Variants in KCNS3 observed in about 807,000 individuals in gnomAD.
KCNS3 encodes delayed-rectifier potassium channel regulatory subunit KCNS3.
A neutral mutation model predicts 31.0 loss-of-function variants in KCNS3; 13 were observed. That is an observed-to-expected ratio of 0.42 (90% CI 0.27 to 0.67). The LOEUF (loss-of-function observed/expected upper bound fraction) is 0.67. Among genes scored for constraint, KCNS3 ranks in the 30% least tolerant of loss-of-function variants. KCNS3 has a pLI of 0.25. For synonymous variants in KCNS3, 238 were observed against 241.5 expected (o/e 0.99, Z 0.13); for missense variants, 545 against 622.4 (o/e 0.88, Z 1.32).
At chr2:17,882,630 G>A (rs1674667851) in intron 1 of KCNS3, among the ~76,000 whole-genome samples, 1 of 152,172 alleles carries the variant, frequency 6.6e-6, no homozygotes, top group Non-Finnish European at 1.5e-5. Context: ...AGGGGATGGG[G>A]AGTAAGTACA....
At chr2:17,905,645 A>G (rs987248152) in intron 1 of KCNS3, among the ~76,000 whole-genome samples, 7 of 152,112 alleles carry the variant, frequency 4.6e-5, no homozygotes, top group African/African-American at 1.7e-4. Flanking sequence ...ATCAATGCCT[A>G]ATTTATTGAG....
rs1246496260 is a variant in KCNS3 at position 17,929,051 on chromosome 2, C to T, written c.-59-1899C>T. Among the ~76,000 whole-genome samples, 4 of 152,356 alleles carry T rather than the reference C, an allele frequency of 2.6e-5. No homozygotes were observed. The East Asian group carries it at 5.8e-4, about 22-fold the overall frequency. The stretch of plus-strand genomic sequence containing the variant: ...TGCTGTCATTGGCGGCTTTCTAAGT[C>T]ACAGTCACAAACCTAGCTATGTCTA... On this transcript the variant is annotated intron_variant, in intron 2 of 2. Coordinates refer to ENST00000304101, the MANE Select transcript of KCNS3 (RefSeq NM_002252.5).
At chr2:17,897,957 A>G (rs1428042221) in intron 1 of KCNS3, among the ~76,000 whole-genome samples, 1 of 152,192 alleles carries the variant, frequency 6.6e-6, no homozygotes, top group Non-Finnish European at 1.5e-5. Context: ...ACTTTAATCC[A>G]TCTTGAGTTA....
At chr2:17,924,560 A>T (rs1448623569) in intron 2 of KCNS3, among the ~76,000 whole-genome samples, 3 of 152,134 alleles carry the variant, frequency 2.0e-5, no homozygotes, top group Non-Finnish European at 4.4e-5. Flanking sequence ...TTTTGTTTTT[A>T]ATCATGAAAG....
At chr2:17,917,042 T>A (rs78197279) in intron 1 of KCNS3, among the ~76,000 whole-genome samples, 3 of 152,156 alleles carry the variant, frequency 2.0e-5, no homozygotes, top group Non-Finnish European at 4.4e-5. Flanking sequence ...AGAGAGAAAC[T>A]GAAATTTGGC....
At chr2:17,879,540 CT>C (rs34167571) in intron 1 of KCNS3, 6 of 147,612 alleles carry the variant, frequency 4.1e-5, no homozygotes, top group Admixed American at 6.7e-5. Flanking sequence ...AGGAACTCCT[CT>C]TTTTTTTTTC....
intron 1 of KCNS3, among the ~76,000 whole-genome samples, chr2:17,911,000 C>T (rs73918979): frequency 1.2e-3 from 181 of 152,314 alleles, no homozygotes; most frequent in African/African-American, 3.8e-3. Context: ...TCTTTTCTCT[C>T]CTTGGAGAAG....
chr2:17,911,553 T>G (rs866641614), intron 1 of KCNS3, among the ~76,000 whole-genome samples: 1 of 152,182 alleles, frequency 6.6e-6, no homozygotes, highest in East Asian at 1.9e-4. Context: ...ATGTACACAA[T>G]GTTGAGATGT....
chr2:17,913,834 G>T (rs1030170849), intron 1 of KCNS3, among the ~76,000 whole-genome samples: 1 of 152,092 alleles, frequency 6.6e-6, no homozygotes, highest in Non-Finnish European at 1.5e-5. Flanking sequence ...TATTGTGATG[G>T]GTGGGTGGTG....
chr2:17,894,414 G>A (rs951630101), intron 1 of KCNS3, among the ~76,000 whole-genome samples: 3 of 152,178 alleles, frequency 2.0e-5, no homozygotes, highest in Non-Finnish European at 4.4e-5. Flanking sequence ...CTAATTTGAT[G>A]TAAGTAGACA....
At chr2:17,914,353 A>G (rs549571134) in intron 1 of KCNS3, among the ~76,000 whole-genome samples, 23 of 152,028 alleles carry the variant, frequency 1.5e-4, no homozygotes, top group Non-Finnish European at 3.2e-4. Context: ...GAACAAAGGG[A>G]AGTCTTTGGG....
chr2:17,929,001 C>T (rs924692511), intron 2 of KCNS3, among the ~76,000 whole-genome samples: 1 of 152,260 alleles, frequency 6.6e-6, no homozygotes, highest in Non-Finnish European at 1.5e-5. Flanking sequence ...TTGGTCCCAG[C>T]TTTTGCCCCG....
In KCNS3 at chr2:17,881,908, C is replaced by T. The variant is rs938544026; in HGVS notation, c.-252+3102C>T. Among the ~76,000 whole-genome samples the T allele has an allele frequency of 1.2e-4, 18 of 152,146 alleles. 1 individual carries two copies. Among genetic ancestry groups the T allele is most frequent in the Non-Finnish European group, 4.4e-5 (3 of 68,022 alleles). On this transcript the variant is annotated intron_variant, in intron 1 of 2. Transcript: ENST00000304101. ...GCCTTTGACAAAATGGTCTGCTTTT[C>T]GGTGAAATTCTGCCCAGCTGGTTAG...
chr2:17,908,676 G>A (rs1465468297), intron 1 of KCNS3, among the ~76,000 whole-genome samples: 2 of 152,222 alleles, frequency 1.3e-5, no homozygotes, highest in Non-Finnish European at 2.9e-5. Flanking sequence ...TTTCCGTCTA[G>A]CAGTCAGGAC....
In KCNS3 at chr2:17,878,666, CA is replaced by C. The variant is rs1188759357; in HGVS notation, c.-391del. The C allele has an allele frequency of 1.3e-5, 2 of 149,422 alleles. No individual in the cohort carries two copies. Among genetic ancestry groups the C allele is most frequent in the African/African-American group, 4.9e-5 (2 of 41,048 alleles). 9.3% of individuals were successfully genotyped at this position (149,422 alleles called of 1,614,324 possible). On this transcript the variant is annotated 5_prime_UTR_variant, in exon 1 of 3. Transcript: ENST00000304101. ...GCTCTAGCGGGGCGGGACCGACGGA[CA>C]GACCGGCCGACGCGGGCCACCCCGC...
intron 1 of KCNS3, among the ~76,000 whole-genome samples, chr2:17,887,208 A>C (rs1661684781): frequency 6.6e-6 from 1 of 151,960 alleles, no homozygotes. Flanking sequence ...ATTTTGGTGC[A>C]CATATCACCT....
chr2:17,886,207 T>G (rs925100804), intron 1 of KCNS3, among the ~76,000 whole-genome samples: 1 of 152,216 alleles, frequency 6.6e-6, no homozygotes, highest in Non-Finnish European at 1.5e-5. Context: ...GCTTATATAT[T>G]TTTTACTTTT....
At position 17,906,600 on chromosome 2, in the gene KCNS3, T is replaced by C. The variant is rs199573653; in HGVS notation, c.-251-11080T>C. Among the ~76,000 whole-genome samples the C allele has an allele frequency of 1.6e-4, 24 of 152,360 alleles. No homozygotes were observed. The East Asian group carries it at 3.5e-3, about 22-fold the overall frequency. ...CCTGCTTTCTCTTGTGGGCATTTAG[T>C]GCTGTAAATTTCCCTCTACACACTG... is the stretch of plus-strand genomic sequence containing the variant. On this transcript the variant is annotated intron_variant, in intron 1 of 2. Coordinates refer to ENST00000304101, the MANE Select transcript of KCNS3 (RefSeq NM_002252.5).
chr2:17,913,053 A>G (rs918600318), intron 1 of KCNS3, among the ~76,000 whole-genome samples: 1 of 152,242 alleles, frequency 6.6e-6, no homozygotes, highest in Admixed American at 6.5e-5. Context: ...GCTTTGGATT[A>G]TAGGATTTAA....
Sources: gnomAD v4.1 joint callset for allele counts (sites outside exome capture counted in the v4.1 genomes callset) on GRCh38, gnomAD v4.1.1 for gene constraint, MANE v1.5 for transcripts, NCBI Gene and HGNC (gene_info 2026-07-23, HGNC 2026-07-21) for gene names.